Variants in PTP4A3 observed in about 807,000 individuals in gnomAD.
PTP4A3 encodes protein tyrosine phosphatase type IVA 3.
PTP4A3 carries 9 observed loss-of-function variants against 15.2 expected under a neutral mutation model. The observed-to-expected ratio is 0.59, with a 90% CI of 0.36 to 1.03. The LOEUF is 1.03. Ranked by LOEUF, PTP4A3 falls within the 50% of genes least tolerant of loss-of-function variation. PTP4A3 has a pLI of 0.02. For missense variants in PTP4A3, 234 were observed against 252.1 expected, an observed-to-expected ratio of 0.93 and a Z score of 0.49; for synonymous variants, 95 against 102.0, an observed-to-expected ratio of 0.93 and a Z score of 0.41.
At position 141,406,181 on chromosome 8, in the gene PTP4A3, C is replaced by T. The variant is rs1832716628; in HGVS notation, c.-854+14097C>T. On this transcript the variant is annotated intron_variant, in intron 1 of 5. Coordinates refer to ENST00000521578, the MANE Select transcript of PTP4A3 (RefSeq NM_032611.3). This position sits in a 1 kb window ranked among gnomAD's most constrained non-coding sequence, Gnocchi z 4.5. ...CAGATTCTTGGTGACCCTCGGTAGC[C>T]CCTCTGGGCGGTGGCTTTAGGCATC... Among the ~76,000 whole-genome samples the T allele has an allele frequency of 6.6e-6, 1 of 152,122 alleles. No homozygotes were observed. Among genetic ancestry groups the T allele is most frequent in the South Asian group, 2.1e-4 (1 of 4,824 alleles).
chr8:141,421,414 G>A lies in PTP4A3; in HGVS notation c.-827G>A, dbSNP rs995344955. On this transcript the variant is annotated 5_prime_UTR_variant, in exon 2 of 6. Transcript: ENST00000521578. ...TGCTGTGTGCTGTGGACCCACCTGGGGTTCATGGAGTGGGCCACGGGGCCC... is the reference window on the plus strand; with the variant it reads ...TGCTGTGTGCTGTGGACCCACCTGGAGTTCATGGAGTGGGCCACGGGGCCC... 1 of 152,268 alleles carries A rather than the reference G, an allele frequency of 6.6e-6. No individual in the cohort carries two copies. 9.4% of individuals were successfully genotyped at this position (152,268 alleles called of 1,614,324 possible).
rs1378220232 is a variant in PTP4A3, at chr8:141,425,023, G to A, written c.106-25G>A. 1.3e-6 allele frequency: 2 copies of A among 1,593,552 alleles called. No homozygotes were observed. Among genetic ancestry groups the A allele is most frequent in the South Asian group, 2.2e-5 (2 of 90,462 alleles). Reference sequence around the variant, plus strand: ...AGCCCTGCAGCCCCAGCCCAGCCCTGCCTCCTCCGTCCTCCCACCCCCAGG... The same window carrying A: ...AGCCCTGCAGCCCCAGCCCAGCCCTACCTCCTCCGTCCTCCCACCCCCAGG... On this transcript the variant is annotated intron_variant, in intron 2 of 5. Coordinates refer to ENST00000521578, the MANE Select transcript of PTP4A3 (RefSeq NM_032611.3). The surrounding 1 kb of genome is among the most constrained non-coding windows in gnomAD (Gnocchi z 4.2).
rs1833515933 is a variant in PTP4A3, at chr8:141,425,263, C to G, written c.198+123C>G. On this transcript the variant is annotated intron_variant, in intron 3 of 5. Coordinates refer to ENST00000521578, the MANE Select transcript of PTP4A3 (RefSeq NM_032611.3). This position sits in a 1 kb window ranked among gnomAD's most constrained non-coding sequence, Gnocchi z 4.2. Reference sequence around the variant, plus strand: ...GTGGCAGCCCTGGGCATGTCTGTGCCTGGGCCACGTGTGTGTCTGGGTACA... The same window carrying G: ...GTGGCAGCCCTGGGCATGTCTGTGCGTGGGCCACGTGTGTGTCTGGGTACA... 1 of 990,838 alleles carries G rather than the reference C, an allele frequency of 1.0e-6. No individual in the cohort carries two copies. The allele number at this position is 990,838 out of a possible 1,614,324, so 61.4% of individuals were successfully genotyped here. A position where few individuals can be genotyped will look rare whatever the true frequency, so the allele number is the denominator to read the frequency against.
At chr8:141,417,447 C>T (rs28549814) in intron 1 of PTP4A3, among the ~76,000 whole-genome samples, 5,985 of 152,154 alleles carry the variant, frequency 0.039, 372 homozygotes, top group African/African-American at 0.14. Context: ...CTCGGGCGCC[C>T]TCCTCCTCAG....
Position 141,413,768 on chromosome 8 carries a change from G to A in PTP4A3, c.-853-7620G>A, listed in dbSNP as rs113966053. Among the ~76,000 whole-genome samples the A allele has an allele frequency of 2.4e-3, 371 of 152,376 alleles. 4 individuals carry two copies. The highest frequency in any genetic ancestry group is 8.1e-3 in the African/African-American group (335 of 41,582). On this transcript the variant is annotated intron_variant, in intron 1 of 5. Transcript: ENST00000521578. ...GCTGTGTCTGTTCCAAGATGGGTCA[G>A]GGTTGCCGCAGGGAGGGCAGTGACT...
chr8:141,393,229 G>A (rs1038837338), intron 1 of PTP4A3, among the ~76,000 whole-genome samples: 1 of 152,168 alleles, frequency 6.6e-6, no homozygotes, highest in African/African-American at 2.4e-5. Context: ...TGGAGTTGGT[G>A]CAGCCCCTAG....
At chr8:141,394,793 C>T (rs1832397165) in intron 1 of PTP4A3, among the ~76,000 whole-genome samples, 1 of 152,252 alleles carries the variant, frequency 6.6e-6, no homozygotes, top group East Asian at 1.9e-4. Flanking sequence ...GCCCCGTCCT[C>T]TCTGCACAGT....
chr8:141,426,192 C>A (rs1333014359), intron 3 of PTP4A3, among the ~76,000 whole-genome samples: 2 of 152,154 alleles, frequency 1.3e-5, no homozygotes, highest in Admixed American at 1.3e-4. Context: ...TACCAGACAG[C>A]CCCATGCCTG....
In PTP4A3 at chr8:141,425,791, GC is replaced by G. The variant is rs1833548244; in HGVS notation, c.198+652del. 6.6e-6 allele frequency among the ~76,000 whole-genome samples: 1 copy of G among 152,208 alleles called. No homozygotes were observed. Among genetic ancestry groups the G allele is most frequent in the African/African-American group, 2.4e-5 (1 of 41,462 alleles). On this transcript the variant is annotated intron_variant, in intron 3 of 5. Coordinates refer to ENST00000521578, the MANE Select transcript of PTP4A3 (RefSeq NM_032611.3). The surrounding 1 kb of genome is among the most constrained non-coding windows in gnomAD (Gnocchi z 4.2). Reference sequence around the variant, plus strand: ...TCACTGCTTTTCATCCCAGGACTCTGCTTTTGGCTGGGGTTGCAGTTTTGTG... The same window carrying G: ...TCACTGCTTTTCATCCCAGGACTCTGTTTTGGCTGGGGTTGCAGTTTTGTG...
rs1457883928 is a variant in PTP4A3 at position 141,406,874 on chromosome 8, T to C, written c.-853-14514T>C. On this transcript the variant is annotated intron_variant, in intron 1 of 5. Transcript: ENST00000521578. This position sits in a 1 kb window ranked among gnomAD's most constrained non-coding sequence, Gnocchi z 4.5. ...AAATAAGTCTTTGCCCTGTGCCCAC[T>C]GTATGTGCAAGGTCATGCAGGTTAT... is the stretch of plus-strand genomic sequence containing the variant. 6.6e-6 allele frequency among the ~76,000 whole-genome samples: 1 copy of C among 152,224 alleles called. No individual in the cohort carries two copies. Among genetic ancestry groups the C allele is most frequent in the Non-Finnish European group, 1.5e-5 (1 of 68,032 alleles).
intron 1 of PTP4A3, among the ~76,000 whole-genome samples, chr8:141,419,106 G>A (rs1333669490): frequency 1.3e-5 from 2 of 152,132 alleles, no homozygotes; most frequent in South Asian, 2.1e-4. Flanking sequence ...CCCTGATTCC[G>A]GCAGATGTGT....
In PTP4A3 at chr8:141,422,293, G is replaced by A. The variant is rs1402444351; in HGVS notation, c.53G>A (p.Arg18His). 5 of 1,613,362 alleles carry A rather than the reference G, an allele frequency of 3.1e-6. No homozygotes were observed. Among genetic ancestry groups the A allele is most frequent in the Admixed American group, 3.3e-5 (2 of 60,026 alleles). The change falls in exon 2 of 6, where the codon CGC (arginine) becomes CAC (histidine). Residue 18 changes from arginine (R) to histidine (H), a missense_variant. Transcript: ENST00000521578. The stretch of plus-strand genomic sequence containing the variant: ...GTGGAGGTGAGCTACAAACACATGC[G>A]CTTCCTCATCACCCACAACCCCACC... ...APVEVSYKHM[R>H]FLITHNPTNA...
intron 5 of PTP4A3, among the ~76,000 whole-genome samples, chr8:141,428,511 G>A (rs960065944): frequency 3.3e-5 from 5 of 152,234 alleles, no homozygotes; most frequent in African/African-American, 4.8e-5. Context: ...TGACACACCT[G>A]TGGTACTCCT....
chr8:141,392,111 G>A (rs1450449482), intron 1 of PTP4A3, 27 bp downstream of exon 1: 2 of 146,796 alleles, frequency 1.4e-5, no homozygotes, highest in Admixed American at 1.4e-4. Context: ...CCCGCTCGGG[G>A]CGGGGGCGCG....
At chr8:141,411,450 CT>C (rs1348859232) in intron 1 of PTP4A3, among the ~76,000 whole-genome samples, 1 of 152,338 alleles carries the variant, frequency 6.6e-6, no homozygotes, top group Non-Finnish European at 1.5e-5. Flanking sequence ...CCCTATCCCC[CT>C]GGGCCTCAGT....
At chr8:141,427,876 C>A in intron 5 of PTP4A3, 52 bp downstream of exon 5, 1 of 1,491,612 alleles carries the variant, frequency 6.7e-7, no homozygotes, top group South Asian at 1.2e-5. Context: ...GAGGGGAGAT[C>A]CGGCTGCCCA....
At position 141,419,439 on chromosome 8, in the gene PTP4A3, A is replaced by G. The variant is rs1046272288; in HGVS notation, c.-853-1949A>G. On this transcript the variant is annotated intron_variant, in intron 1 of 5. Coordinates refer to ENST00000521578, the MANE Select transcript of PTP4A3 (RefSeq NM_032611.3). ...ACCCAGGTGTTTGTGTGCTGTTAGC[A>G]CGTGGTGGCTTCCCTCACCCACACT... Among the ~76,000 whole-genome samples, 7 of 152,206 alleles carry G rather than the reference A, an allele frequency of 4.6e-5. No homozygotes were observed. In the East Asian group the frequency reaches 1.3e-3, roughly 29 times the overall value.
intron 3 of PTP4A3, among the ~76,000 whole-genome samples, chr8:141,426,075 G>A (rs1482784895): frequency 1.3e-5 from 2 of 152,190 alleles, no homozygotes; most frequent in Admixed American, 6.5e-5. Context: ...GTAAGTAGCC[G>A]TGACACCGGT....
intron 1 of PTP4A3, among the ~76,000 whole-genome samples, chr8:141,414,917 G>T (rs963428867): frequency 1.3e-5 from 2 of 151,666 alleles, no homozygotes; most frequent in Non-Finnish European, 2.9e-5. Context: ...CCGGGCCCTG[G>T]ACTGCAGGAA....
Sources: gnomAD v4.1 joint callset for allele counts (sites outside exome capture counted in the v4.1 genomes callset) on GRCh38, gnomAD v4.1.1 for gene constraint, Gnocchi (gnomAD v3.1) non-coding constraint, MANE v1.5 for transcripts, NCBI Gene and HGNC (gene_info 2026-07-23, HGNC 2026-07-21) for gene names.